EPHA5: variants seen among roughly 807,000 people sequenced by gnomAD.
EPHA5 encodes the protein EPH receptor A5, also known as ephrin type-A receptor 5.
A neutral mutation model predicts 105.0 loss-of-function variants in EPHA5; 60 were observed. That is an observed-to-expected ratio of 0.57 (90% CI 0.46 to 0.71). EPHA5 has a LOEUF of 0.71. Ranked by LOEUF, EPHA5 falls within the 30% of genes least tolerant of loss-of-function variation. The pLI, the probability that EPHA5 is intolerant of heterozygous loss-of-function variation, is 0.00. For synonymous variants in EPHA5, 513 were observed against 449.1 expected, an observed-to-expected ratio of 1.14 and a Z score of -1.80; for missense variants, 1,218 against 1,274.7, an observed-to-expected ratio of 0.96 and a Z score of 0.68.
chr4:65,574,894 T>C (rs879019648), intron 3 of EPHA5, among the ~76,000 whole-genome samples: 2 of 151,346 alleles, frequency 1.3e-5, no homozygotes, highest in African/African-American at 2.4e-5. Flanking sequence ...CATCTCACTG[T>C]CAGTTCAAGG....
chr4:65,577,243 T>C (rs953207336), intron 3 of EPHA5, among the ~76,000 whole-genome samples: 2 of 152,194 alleles, frequency 1.3e-5, no homozygotes, highest in African/African-American at 4.8e-5. Context: ...GAATTTATAT[T>C]GTATGTCAAA....
At chr4:65,525,293 T>G (rs1735124995) in intron 3 of EPHA5, among the ~76,000 whole-genome samples, 1 of 151,820 alleles carries the variant, frequency 6.6e-6, no homozygotes, top group Admixed American at 6.6e-5. Flanking sequence ...AGAAATAATT[T>G]AATATAATTT....
chr4:65,354,771 T>C (rs1277262257), intron 11 of EPHA5, among the ~76,000 whole-genome samples: 1 of 151,506 alleles, frequency 6.6e-6, no homozygotes, highest in African/African-American at 2.4e-5. Flanking sequence ...GAAAAAGAAA[T>C]AACTGGGAAG....
chr4:65,646,364 G>A (rs1364755177), intron 1 of EPHA5, among the ~76,000 whole-genome samples: 1 of 152,142 alleles, frequency 6.6e-6, no homozygotes, highest in Admixed American at 6.6e-5. Flanking sequence ...TCTGGTCAGT[G>A]GAAAGATCAG....
At chr4:65,507,840 C>T (rs950219952) in intron 3 of EPHA5, among the ~76,000 whole-genome samples, 1 of 151,982 alleles carries the variant, frequency 6.6e-6, no homozygotes, top group Non-Finnish European at 1.5e-5. Context: ...AATGGTATCT[C>T]ACTTGAAACC....
intron 3 of EPHA5, among the ~76,000 whole-genome samples, chr4:65,517,592 C>T (rs764601447): frequency 4.6e-5 from 7 of 151,560 alleles, no homozygotes; most frequent in African/African-American, 1.2e-4. Context: ...GTTTCTTTGC[C>T]GTTTATTCCC....
chr4:65,344,542 T>C (rs1159343099), intron 14 of EPHA5, among the ~76,000 whole-genome samples: 1 of 152,122 alleles, frequency 6.6e-6, no homozygotes, highest in Non-Finnish European at 1.5e-5. Flanking sequence ...ATCTCAAGTG[T>C]GAATAGAAGT....
chr4:65,349,346 G>GT (rs11420362), intron 13 of EPHA5, among the ~76,000 whole-genome samples: 85,151 of 151,632 alleles, frequency 0.56, 24,284 homozygotes, highest in East Asian at 0.8. Context: ...AATTGATTTG[G>GT]AGACTTTCTC....
intron 2 of EPHA5, among the ~76,000 whole-genome samples, chr4:65,631,231 A>C (rs1746603494): frequency 6.6e-6 from 1 of 152,172 alleles, no homozygotes. Context: ...TGCTGTAATT[A>C]GTATGCATTC....
At chr4:65,650,236 C>T (rs10008017) in intron 1 of EPHA5, among the ~76,000 whole-genome samples, 148,565 of 152,116 alleles carry the variant, frequency 0.98, 72,645 homozygotes, top group South Asian at 1. Context: ...CCTAGTTCAA[C>T]GAGTGCAATG....
rs527412000 is a variant in EPHA5, at chr4:65,350,687, G to GA, written c.2445+701dup. Among the ~76,000 whole-genome samples, 38 of 152,064 alleles carry GA rather than the reference G, an allele frequency of 2.5e-4. 2 individuals are homozygous for GA. In the South Asian group the frequency reaches 2.7e-3, roughly 11 times the overall value. On this transcript the variant is annotated intron_variant, in intron 13 of 16. Coordinates refer to ENST00000613740, the MANE Select transcript of EPHA5 (RefSeq NM_001281766.3). ...GTAGCAATATGCACAGTTTTTCACA[G>GA]AAAAAATGTCAATTATATACCATAT...
At chr4:65,590,254 A>G (rs1742510331) in intron 3 of EPHA5, among the ~76,000 whole-genome samples, 1 of 152,192 alleles carries the variant, frequency 6.6e-6, no homozygotes, top group Non-Finnish European at 1.5e-5. Flanking sequence ...CTCAGAAAAG[A>G]TGAAAGCATA....
At chr4:65,459,400 T>C (rs1727915134) in intron 5 of EPHA5, among the ~76,000 whole-genome samples, 1 of 152,058 alleles carries the variant, frequency 6.6e-6, no homozygotes, top group East Asian at 1.9e-4. Flanking sequence ...TCAGTTGAGA[T>C]AAATAATGCA....
At chr4:65,398,883 C>A (rs1578016337) in intron 8 of EPHA5, among the ~76,000 whole-genome samples, 1 of 152,190 alleles carries the variant, frequency 6.6e-6, no homozygotes, top group Non-Finnish European at 1.5e-5. Flanking sequence ...CTCAATAAAG[C>A]ACCCCTTAAC....
chr4:65,465,864 G>A (rs946178853), intron 5 of EPHA5, among the ~76,000 whole-genome samples: 8 of 152,082 alleles, frequency 5.3e-5, no homozygotes, highest in Admixed American at 1.3e-4. Flanking sequence ...ACATTCACTC[G>A]TTCACTCATT....
chr4:65,578,907 C>T (rs993591201), intron 3 of EPHA5, among the ~76,000 whole-genome samples: 2 of 151,644 alleles, frequency 1.3e-5, no homozygotes, highest in Non-Finnish European at 2.9e-5. Flanking sequence ...GTGTAAAATG[C>T]TAAAGACCGC....
At chr4:65,535,263 C>T (rs1736183287) in intron 3 of EPHA5, among the ~76,000 whole-genome samples, 1 of 151,972 alleles carries the variant, frequency 6.6e-6, no homozygotes, top group Non-Finnish European at 1.5e-5. Context: ...TGCTCTGTTC[C>T]CCTTGTCATG....
intron 11 of EPHA5, among the ~76,000 whole-genome samples, chr4:65,356,278 T>A (rs1179782904): frequency 6.6e-6 from 1 of 151,500 alleles, no homozygotes; most frequent in African/African-American, 2.4e-5. Flanking sequence ...CTTTTTAGAG[T>A]TATGGGTTAG....
chr4:65,556,929 A>C (rs1193422292), intron 3 of EPHA5, among the ~76,000 whole-genome samples: 1 of 151,962 alleles, frequency 6.6e-6, no homozygotes, highest in Non-Finnish European at 1.5e-5. Context: ...GGAATGTTGC[A>C]AACTCATGGA....
Sources: gnomAD v4.1 joint callset for allele counts (sites outside exome capture counted in the v4.1 genomes callset) on GRCh38, gnomAD v4.1.1 for gene constraint, MANE v1.5 for transcripts, NCBI Gene and HGNC (gene_info 2026-07-23, HGNC 2026-07-21) for gene names.